ARL14EPL: variants seen among roughly 807,000 people sequenced by gnomAD.
ARL14EPL encodes the protein ARL14 effector protein-like.
In ARL14EPL, 17 loss-of-function variants were observed where a neutral mutation model predicts 15.9. That is an observed-to-expected ratio of 1.07 (90% CI 0.73 to 1.60). The LOEUF (loss-of-function observed/expected upper bound fraction) is 1.60, where lower values mean the gene tolerates loss of function less well. Ranked by LOEUF, ARL14EPL falls within the 40% of genes most tolerant of loss-of-function variation. The pLI is 0.00. For synonymous variants in ARL14EPL, 78 were observed against 63.8 expected (o/e 1.22, Z -1.06); for missense variants, 214 against 185.9 (o/e 1.15, Z -0.88).
rs1749455597 is a variant in ARL14EPL, at chr5:116,053,998, T to A, written c.97-16T>A. On this transcript the variant is annotated splice_polypyrimidine_tract_variant and intron_variant, in intron 2 of 3. Transcript: ENST00000686077. ...CTATCTGGTTCTTACTATTAATACA[T>A]TTATTTGTTTAATAGCAACAAATAG... 1 of 1,522,482 alleles carries A rather than the reference T, an allele frequency of 6.6e-7. No homozygotes were observed. The highest frequency in any genetic ancestry group is 1.2e-5 in the South Asian group (1 of 81,372). 94.3% of individuals were successfully genotyped at this position (1,522,482 alleles called of 1,614,324 possible). A position where few individuals can be genotyped will look rare whatever the true frequency, so the allele number is the denominator to read the frequency against.
rs1304452271 is a variant in ARL14EPL, at chr5:116,032,721, T to C, written c.-10+216T>C. ...AGGATACTATCCATGGTTTCAGGCA[T>C]CCACTGGGGACCTTGGAAGGTAGCA... On this transcript the variant is annotated intron_variant, in intron 1 of 3. Coordinates refer to ENST00000686077, the MANE Select transcript of ARL14EPL (RefSeq NM_001195581.2). 3.3e-5 allele frequency among the ~76,000 whole-genome samples: 5 copies of C among 152,206 alleles called. No homozygotes were observed. In the East Asian group the frequency reaches 9.6e-4, roughly 29 times the overall value.
chr5:116,037,188 C>A lies in ARL14EPL; in HGVS notation c.-10+4683C>A, dbSNP rs189881670. Among the ~76,000 whole-genome samples the A allele has an allele frequency of 9.2e-5, 14 of 152,236 alleles. No homozygotes were observed. The East Asian group carries it at 2.7e-3, about 29-fold the overall frequency. ...CTCTTGCCTCCCATCCCATCCCCTG[C>A]TTTAAATAGGAGAGATTCACTTTTT... On this transcript the variant is annotated intron_variant, in intron 1 of 3. Coordinates refer to ENST00000686077, the MANE Select transcript of ARL14EPL (RefSeq NM_001195581.2).
chr5:116,047,516 T>G (rs1749295701), intron 1 of ARL14EPL, among the ~76,000 whole-genome samples: 1 of 152,184 alleles, frequency 6.6e-6, no homozygotes, highest in Admixed American at 6.5e-5. Context: ...ATACAGAAAA[T>G]TGTACTGCTT....
chr5:116,052,404 C>T (rs1749408057), intron 2 of ARL14EPL: 10 of 663,460 alleles, frequency 1.5e-5, no homozygotes, highest in African/African-American at 3.6e-5. Context: ...CGTTATGGCT[C>T]TAAAACTGTA....
In ARL14EPL at chr5:116,055,778, C is replaced by A. The variant is rs552296329; in HGVS notation, c.236+1625C>A. 2.0e-5 allele frequency among the ~76,000 whole-genome samples: 3 copies of A among 152,210 alleles called. No homozygotes were observed. The East Asian group carries it at 5.8e-4, about 29-fold the overall frequency. Reference sequence around the variant, plus strand: ...TCCTCATTTACATTAGGTATGTCTCCTAATGCTATCCCTCCCCACTCCCCC... The same window carrying A: ...TCCTCATTTACATTAGGTATGTCTCATAATGCTATCCCTCCCCACTCCCCC... On this transcript the variant is annotated intron_variant, in intron 3 of 3. Transcript: ENST00000686077.
At chr5:116,045,481 G>C (rs1300468332) in intron 1 of ARL14EPL, among the ~76,000 whole-genome samples, 1 of 152,138 alleles carries the variant, frequency 6.6e-6, no homozygotes, top group African/African-American at 2.4e-5. Flanking sequence ...GAAATAATTT[G>C]AATGTATAAT....
At chr5:116,056,386 C>G (rs558967631) in intron 3 of ARL14EPL, among the ~76,000 whole-genome samples, 10 of 152,192 alleles carry the variant, frequency 6.6e-5, no homozygotes, top group Non-Finnish European at 1.3e-4. Context: ...ATTTGCATTT[C>G]TCTGATGGCC....
chr5:116,048,649 A>G (rs2136210), intron 1 of ARL14EPL, among the ~76,000 whole-genome samples: 121,383 of 152,008 alleles, frequency 0.8, 48,684 homozygotes, highest in Middle Eastern at 0.86. Flanking sequence ...AGTGATGAAC[A>G]TAAGTAAAAC....
At chr5:116,044,607 T>C (rs541021841) in intron 1 of ARL14EPL, among the ~76,000 whole-genome samples, 22 of 152,224 alleles carry the variant, frequency 1.4e-4, no homozygotes, top group Admixed American at 6.5e-4. Context: ...CTTTTGAAGT[T>C]GACATATAAC....
At chr5:116,041,590 C>A (rs566025933) in intron 1 of ARL14EPL, among the ~76,000 whole-genome samples, 7 of 152,234 alleles carry the variant, frequency 4.6e-5, no homozygotes, top group African/African-American at 1.7e-4. Context: ...TCATTAGAGT[C>A]TATATACACA....
At chr5:116,052,918 A>C (rs1266959320) in intron 2 of ARL14EPL, among the ~76,000 whole-genome samples, 2 of 152,164 alleles carry the variant, frequency 1.3e-5, no homozygotes, top group Non-Finnish European at 2.9e-5. Context: ...AATCCTTCAA[A>C]AGAGCATTTT....
At chr5:116,042,697 G>C (rs1302005393) in intron 1 of ARL14EPL, among the ~76,000 whole-genome samples, 2 of 152,280 alleles carry the variant, frequency 1.3e-5, no homozygotes, top group East Asian at 3.9e-4. Context: ...GATAAAGCTA[G>C]AGAGTTTCCT....
At chr5:116,050,861 G>T (rs138928184) in intron 1 of ARL14EPL, among the ~76,000 whole-genome samples, 2,716 of 134,072 alleles carry the variant, frequency 0.02, 34 homozygotes, top group Middle Eastern at 0.051. Flanking sequence ...ACACACAGAC[G>T]CACGCACCCT....
At chr5:116,038,938 C>A (rs1402128887) in intron 1 of ARL14EPL, among the ~76,000 whole-genome samples, 3 of 152,098 alleles carry the variant, frequency 2.0e-5, no homozygotes, top group Admixed American at 6.6e-5. Flanking sequence ...TAATTACAAG[C>A]CCCAGACAGC....
In ARL14EPL at chr5:116,058,970, T is replaced by G. The variant is rs1399524629; in HGVS notation, c.*23T>G. The G allele has an allele frequency of 1.3e-6, 2 of 1,524,882 alleles. No homozygotes were observed. Among genetic ancestry groups the G allele is most frequent in the Non-Finnish European group, 8.8e-7 (1 of 1,137,038 alleles). The allele number at this position is 1,524,882 out of a possible 1,614,324, so 94.5% of individuals were successfully genotyped here. On this transcript the variant is annotated 3_prime_UTR_variant, in exon 4 of 4. Transcript: ENST00000686077. ...TAGGTGCTCTTGTATATGGACTGAT[T>G]TGTTTCTTCTTCTTACACATTTAAG...
In ARL14EPL at chr5:116,035,371, G is replaced by A. The variant is rs188865808; in HGVS notation, c.-10+2866G>A. Among the ~76,000 whole-genome samples, 93 of 152,318 alleles carry A rather than the reference G, an allele frequency of 6.1e-4. No homozygotes were observed. In the East Asian group the frequency reaches 0.012, roughly 20 times the overall value. ...CTCATTAATCGTGGGGGTACTGGGAGTCAGCACTGTATTCAAGGCCAAAGC... is the reference window on the plus strand; with the variant it reads ...CTCATTAATCGTGGGGGTACTGGGAATCAGCACTGTATTCAAGGCCAAAGC... On this transcript the variant is annotated intron_variant, in intron 1 of 3. Transcript: ENST00000686077.
chr5:116,050,829 G>GCACACACACACACACACA (rs10612147), intron 1 of ARL14EPL, among the ~76,000 whole-genome samples: 1 of 140,886 alleles, frequency 7.1e-6, no homozygotes, highest in Non-Finnish European at 1.5e-5. Context: ...ACACACACAT[G>GCACACACACACACACACA]CACACACACA....
At position 116,058,749 on chromosome 5, in the gene ARL14EPL, T is replaced by C. The variant is rs894489540; in HGVS notation, c.261T>C (p.Ser87=). The part of the protein sequence containing the change: ...KYKIMRKYDK[S]GRLICNDADL... ...GAATAATGAGGAAGTATGACAAAAG[T>C]GGCAGGCTCATCTGTAATGACGCTG... Residue 87 remains serine, a synonymous_variant, in exon 4 of 4, where the codon AGT becomes AGC. Coordinates refer to ENST00000686077, the MANE Select transcript of ARL14EPL (RefSeq NM_001195581.2). 1 of 1,535,176 alleles carries C rather than the reference T, an allele frequency of 6.5e-7. No homozygotes were observed. The highest frequency in any genetic ancestry group is 8.7e-7 in the Non-Finnish European group (1 of 1,146,914).
At chr5:116,040,868 C>T (rs895892161) in intron 1 of ARL14EPL, among the ~76,000 whole-genome samples, 1 of 147,176 alleles carries the variant, frequency 6.8e-6, no homozygotes, top group Non-Finnish European at 1.5e-5. Context: ...GTAGTCCCAG[C>T]TACTCGGGAG....
Sources: allele counts gnomAD v4.1 joint callset (sites outside exome capture counted in the v4.1 genomes callset), GRCh38; gene constraint gnomAD v4.1.1; transcripts MANE v1.5; gene names NCBI Gene and HGNC (gene_info 2026-07-23, HGNC 2026-07-21).